Variants in PALM2AKAP2 observed in about 807,000 individuals in gnomAD.
PALM2AKAP2 encodes the protein PALM2-AKAP2 fusion protein.
Under a neutral mutation model 71.5 loss-of-function variants are expected in PALM2AKAP2, and 37 were observed. That is an observed-to-expected ratio of 0.52 (90% CI 0.40 to 0.68). The LOEUF is 0.68. Ranked by LOEUF, PALM2AKAP2 falls within the 30% of genes least tolerant of loss-of-function variation. The pLI, the probability that PALM2AKAP2 is intolerant of heterozygous loss-of-function variation, is 0.00. For missense variants in PALM2AKAP2, 1,224 were observed against 1,191.8 expected (o/e 1.03, Z -0.40); for synonymous variants, 468 against 478.8 (o/e 0.98, Z 0.29).
At chr9:109,705,049 C>T (rs1313490005) in intron 1 of PALM2AKAP2, among the ~76,000 whole-genome samples, 1 of 152,164 alleles carries the variant, frequency 6.6e-6, no homozygotes, top group East Asian at 1.9e-4. Context: ...TAGAACTTAA[C>T]CTTTGAAGGT....
upstream of PALM2AKAP2, among the ~76,000 whole-genome samples, chr9:109,776,428 T>G (rs1829349385): frequency 6.6e-6 from 1 of 152,170 alleles, no homozygotes; most frequent in South Asian, 2.1e-4. Context: ...TTGTATTAGA[T>G]AGCTCACAGG....
intron 6 of PALM2AKAP2, among the ~76,000 whole-genome samples, chr9:109,974,359 T>G (rs184349048): frequency 8.1e-4 from 124 of 152,306 alleles, no homozygotes; most frequent in African/African-American, 2.8e-3. Context: ...ACCTACCATG[T>G]GCTTCCGACT....
At chr9:109,940,986 T>C (rs932728117) in intron 6 of PALM2AKAP2, among the ~76,000 whole-genome samples, 9 of 152,146 alleles carry the variant, frequency 5.9e-5, no homozygotes, top group African/African-American at 2.2e-4. Flanking sequence ...TTTAACTATT[T>C]TAGACTTTGT....
At chr9:110,085,625 T>C (rs1271111746) in intron 1 of PALM2AKAP2, among the ~76,000 whole-genome samples, 1 of 152,238 alleles carries the variant, frequency 6.6e-6, no homozygotes, top group Non-Finnish European at 1.5e-5. Flanking sequence ...TAGTATACTC[T>C]GTAAGTCTTC....
chr9:109,833,685 C>G (rs1828373869), intron 1 of PALM2AKAP2, among the ~76,000 whole-genome samples: 1 of 152,170 alleles, frequency 6.6e-6, no homozygotes. Flanking sequence ...CTAAACAGTA[C>G]AGGGTACTTA....
At chr9:109,671,039 A>G (rs1469875202) in intron 1 of PALM2AKAP2, among the ~76,000 whole-genome samples, 1 of 152,158 alleles carries the variant, frequency 6.6e-6, no homozygotes, top group African/African-American at 2.4e-5. Context: ...TCAGATGCAT[A>G]GTATGCAGAA....
intron 1 of PALM2AKAP2, among the ~76,000 whole-genome samples, chr9:110,084,638 G>A (rs755714444): frequency 2.6e-5 from 4 of 152,116 alleles, no homozygotes; most frequent in Non-Finnish European, 4.4e-5. Flanking sequence ...TGTAAATGCT[G>A]TGTAAATAGT....
intron 1 of PALM2AKAP2, among the ~76,000 whole-genome samples, chr9:110,086,955 T>G (rs1349835957): frequency 6.6e-6 from 1 of 152,238 alleles, no homozygotes; most frequent in African/African-American, 2.4e-5. Flanking sequence ...TGGCTTTATT[T>G]CTTGCCACTC....
intron 1 of PALM2AKAP2, among the ~76,000 whole-genome samples, chr9:110,118,449 C>T (rs1466254181): frequency 1.3e-5 from 2 of 151,936 alleles, no homozygotes; most frequent in African/African-American, 2.4e-5. Context: ...GATTTCGCAA[C>T]GTTGGCCAGG....
At chr9:109,909,307 TG>T (rs1830520369) in intron 3 of PALM2AKAP2, among the ~76,000 whole-genome samples, 1 of 152,224 alleles carries the variant, frequency 6.6e-6, no homozygotes, top group Non-Finnish European at 1.5e-5. Context: ...TTTAATCTGT[TG>T]TTTTTACTAA....
intron 6 of PALM2AKAP2, among the ~76,000 whole-genome samples, chr9:109,964,243 C>T (rs1410391776): frequency 1.3e-5 from 2 of 152,254 alleles, no homozygotes; most frequent in East Asian, 1.9e-4. Flanking sequence ...TACACCAGAG[C>T]TGTGTCTCTC....
intron 1 of PALM2AKAP2, among the ~76,000 whole-genome samples, chr9:109,688,044 T>C (rs1160483536): frequency 6.6e-6 from 1 of 152,182 alleles, no homozygotes; most frequent in Non-Finnish European, 1.5e-5. Context: ...ATGTGAGTGG[T>C]TTGTAGCACC....
chr9:110,008,199 C>G (rs956191008), intron 6 of PALM2AKAP2, among the ~76,000 whole-genome samples: 1 of 152,032 alleles, frequency 6.6e-6, no homozygotes, highest in Admixed American at 6.6e-5. Context: ...ACGGCTAGCC[C>G]TGGGGAAGAA....
intron 6 of PALM2AKAP2, among the ~76,000 whole-genome samples, chr9:109,989,147 T>C (rs970121171): frequency 1.3e-5 from 2 of 152,220 alleles, no homozygotes; most frequent in Non-Finnish European, 2.9e-5. Flanking sequence ...TCAAAAATTC[T>C]AGATACTTTG....
At chr9:110,163,550 G>T (rs1300228385) in intron 3 of PALM2AKAP2, among the ~76,000 whole-genome samples, 3 of 152,120 alleles carry the variant, frequency 2.0e-5, no homozygotes, top group Non-Finnish European at 4.4e-5. Flanking sequence ...TCCATGCATG[G>T]TTTTATACTT....
At chr9:110,077,709 C>T (rs1343849621) in intron 1 of PALM2AKAP2, among the ~76,000 whole-genome samples, 2 of 152,140 alleles carry the variant, frequency 1.3e-5, no homozygotes, top group Non-Finnish European at 2.9e-5. Context: ...CTGCAAAGGG[C>T]CAGACAGAAA....
chr9:109,986,808 G>C (rs930261718), intron 6 of PALM2AKAP2, among the ~76,000 whole-genome samples: 6 of 152,126 alleles, frequency 3.9e-5, no homozygotes, highest in African/African-American at 1.2e-4. Flanking sequence ...GCATTGAGGA[G>C]AAAGCTCTAA....
At chr9:110,159,615 A>AGGAGATATCGAGGAGATATC in intron 3 of PALM2AKAP2, among the ~76,000 whole-genome samples, 1 of 152,362 alleles carries the variant, frequency 6.6e-6, no homozygotes, top group South Asian at 2.1e-4. Flanking sequence ...GATATGTTAG[A>AGGAGATATCGAGGAGATATC]CACAATGGTA....
At chr9:109,691,927 CATATATATATATACACAT>C (rs1205606479) in intron 1 of PALM2AKAP2, among the ~76,000 whole-genome samples, 23 of 97,250 alleles carry the variant, frequency 2.4e-4, no homozygotes, top group South Asian at 9.8e-4. Context: ...TATATATACA[CATATATATATATACACAT>C]ATATATATAT....
Sources: allele counts gnomAD v4.1 joint callset (sites outside exome capture counted in the v4.1 genomes callset), GRCh38; gene constraint gnomAD v4.1.1; transcripts MANE v1.5; gene names NCBI Gene and HGNC (gene_info 2026-07-23, HGNC 2026-07-21).